The following ASH1L variants were observed in gnomAD, a reference collection of about 807,000 sequenced individuals.
The protein encoded by ASH1L is histone-lysine N-methyltransferase ASH1L.
A neutral mutation model predicts 269.0 loss-of-function variants in ASH1L; 23 were observed. That is an observed-to-expected ratio of 0.09 (90% confidence interval 0.06 to 0.12). The LOEUF (loss-of-function observed/expected upper bound fraction) is 0.12. Among genes scored for constraint, ASH1L ranks in the 10% least tolerant of loss-of-function variants. ASH1L has a pLI of 1.00. For synonymous variants in ASH1L, 1,187 were observed against 1,253.5 expected, an observed-to-expected ratio of 0.95 and a Z score of 1.12; for missense variants, 2,912 against 3,567.8, an observed-to-expected ratio of 0.82 and a Z score of 4.68.
chr1:155,483,410 A>G (rs1194625815), intron 2 of ASH1L, among the ~76,000 whole-genome samples: 1 of 152,230 alleles, frequency 6.6e-6, no homozygotes, highest in African/African-American at 2.4e-5. Context: ...AATGTAGAAA[A>G]GCCAGGGAAT....
In ASH1L at chr1:155,562,456, T is replaced by A. The variant is rs376223217; in HGVS notation, c.-403A>T. Reference sequence around the variant, plus strand: ...GGCGGCGGCGGCGGCAGCAGCAGAGTGGCGGCGGTGGCGGCGGCAGCTCCT... The same window carrying A: ...GGCGGCGGCGGCGGCAGCAGCAGAGAGGCGGCGGTGGCGGCGGCAGCTCCT... On this transcript the variant is annotated 5_prime_UTR_variant, in exon 1 of 28. Transcript: ENST00000392403. The A allele has an allele frequency of 2.1e-6, 3 of 1,442,552 alleles. No individual in the cohort carries two copies. The highest frequency in any genetic ancestry group is 5.0e-5 in the East Asian group (2 of 40,156). The allele number at this position is 1,442,552 out of a possible 1,614,324, so 89.4% of individuals were successfully genotyped here.
At chr1:155,510,616 G>A (rs1408118597) in intron 2 of ASH1L, among the ~76,000 whole-genome samples, 2 of 152,052 alleles carry the variant, frequency 1.3e-5, no homozygotes, top group Admixed American at 6.6e-5. Context: ...GTTTGTAAGT[G>A]CAAATATGTT....
rs1652360811 is a variant in ASH1L, at chr1:155,336,857, A to G, written c.*803T>C. The G allele has an allele frequency of 6.6e-6, 1 of 152,358 alleles. No homozygotes were observed. Among genetic ancestry groups the G allele is most frequent in the Non-Finnish European group, 1.5e-5 (1 of 68,044 alleles). The allele number at this position is 152,358 out of a possible 1,614,324, so 9.4% of individuals were successfully genotyped here. On this transcript the variant is annotated 3_prime_UTR_variant, in exon 28 of 28. Coordinates refer to ENST00000392403, the MANE Select transcript of ASH1L (RefSeq NM_018489.3). ...TATTTTGAACTGAATCTCCATTTGC[A>G]CAGCACAGCAGACACACAAGAACTA...
At chr1:155,509,882 A>G (rs1668054401) in intron 2 of ASH1L, among the ~76,000 whole-genome samples, 1 of 152,186 alleles carries the variant, frequency 6.6e-6, no homozygotes, top group African/African-American at 2.4e-5. Context: ...TAACTCATAA[A>G]CCATAACAAA....
At chr1:155,492,160 C>T (rs1003316876) in intron 2 of ASH1L, among the ~76,000 whole-genome samples, 19 of 151,712 alleles carry the variant, frequency 1.3e-4, no homozygotes, top group Admixed American at 7.2e-4. Context: ...CTCAGCCTCC[C>T]GAGTCGCTGG....
At chr1:155,359,003 C>T (rs1181515420) in intron 13 of ASH1L, among the ~76,000 whole-genome samples, 2 of 152,034 alleles carry the variant, frequency 1.3e-5, no homozygotes, top group Non-Finnish European at 2.9e-5. Flanking sequence ...GCCTGCGGTC[C>T]CAGCTACTCA....
At chr1:155,561,635 CATCT>C (rs1302383524) in intron 1 of ASH1L, among the ~76,000 whole-genome samples, 2 of 150,580 alleles carry the variant, frequency 1.3e-5, no homozygotes, top group Non-Finnish European at 3.0e-5. Flanking sequence ...ACCAACAGAC[CATCT>C]GTCTGCTAGA....
intron 19 of ASH1L, among the ~76,000 whole-genome samples, chr1:155,348,915 C>T (rs61335271): frequency 0.035 from 4,382 of 124,232 alleles, 192 homozygotes; most frequent in African/African-American, 0.11. Context: ...TATATATACA[C>T]ACACACACAC....
rs1166655680 is a variant in ASH1L at position 155,481,849 on chromosome 1, T to C, written c.1021A>G (p.Lys341Glu). The part of the protein sequence containing the change: ...VGLLSKDSGK[K>E]LGIGIVPGLV... ...CCTGGAACAATACCAATTCCTAGCTTCTTTCCTGAATCTTTGCTTAGCAGT... is the reference window on the plus strand; with the variant it reads ...CCTGGAACAATACCAATTCCTAGCTCCTTTCCTGAATCTTTGCTTAGCAGT... The change falls in exon 3 of 28, where the codon AAG becomes GAG. Residue 341 changes from lysine (K) to glutamate (E), a missense_variant. Transcript: ENST00000392403. 3 of 1,614,208 alleles carry C rather than the reference T, an allele frequency of 1.9e-6. No homozygotes were observed. In the South Asian group the frequency reaches 3.3e-5, roughly 18 times the overall value.
Position 155,338,119 on chromosome 1 carries a change from T to G in ASH1L, c.8773A>C (p.Asn2925His). The G allele has an allele frequency of 1.2e-6, 2 of 1,613,762 alleles. No homozygotes were observed. The highest frequency in any genetic ancestry group is 1.7e-6 in the Non-Finnish European group (2 of 1,179,718). ...QRERLNQILL[N>H]LLEKIPGKNA... ...TTTCCAGGGATTTTTTCAAGGAGATTGAGCAAGATCTGGTTGAGTCGTTCC... is the reference window on the plus strand; with the variant it reads ...TTTCCAGGGATTTTTTCAAGGAGATGGAGCAAGATCTGGTTGAGTCGTTCC... The change falls in exon 27 of 28, where the codon AAT becomes CAT. Residue 2925 changes from asparagine (N) to histidine (H), a missense_variant. Transcript: ENST00000392403.
intron 3 of ASH1L, among the ~76,000 whole-genome samples, chr1:155,472,757 A>C (rs1162066872): frequency 6.6e-6 from 1 of 152,210 alleles, no homozygotes; most frequent in Non-Finnish European, 1.5e-5. Flanking sequence ...GATTTTTCTG[A>C]GAAGCAGAAT....
chr1:155,540,184 T>C (rs1281416635), intron 1 of ASH1L, among the ~76,000 whole-genome samples: 1 of 152,198 alleles, frequency 6.6e-6, no homozygotes, highest in Non-Finnish European at 1.5e-5. Flanking sequence ...ACTTACAATC[T>C]GCAGCATGGT....
At chr1:155,514,119 T>C (rs1168308994) in intron 2 of ASH1L, among the ~76,000 whole-genome samples, 1 of 152,188 alleles carries the variant, frequency 6.6e-6, no homozygotes, top group East Asian at 1.9e-4. Flanking sequence ...GAAAGTAGAA[T>C]AGTGGTTTCG....
chr1:155,366,119 AATAC>A (rs1384276209), intron 12 of ASH1L, among the ~76,000 whole-genome samples: 1 of 152,180 alleles, frequency 6.6e-6, no homozygotes, highest in Non-Finnish European at 1.5e-5. Flanking sequence ...GTTGGCACAA[AATAC>A]AGGTCATAAA....
In ASH1L at chr1:155,482,495, AC is replaced by A. The variant is rs780511308; in HGVS notation, c.421-47del. 4.5e-6 allele frequency: 7 copies of A among 1,547,870 alleles called. 1 individual carries two copies. In the South Asian group the frequency reaches 8.8e-5, roughly 19 times the overall value. The stretch of plus-strand genomic sequence containing the variant: ...AAGTTAAAGAGGGAGTAAACCTTAC[AC>A]CACTTTAGCTTAGCTTAACAATCCA... On this transcript the variant is annotated intron_variant, in intron 2 of 27. Transcript: ENST00000392403.
chr1:155,341,783 T>G (rs1001972749), intron 25 of ASH1L, among the ~76,000 whole-genome samples, 153 bp downstream of exon 25: 56 of 152,228 alleles, frequency 3.7e-4, no homozygotes, highest in African/African-American at 1.3e-3. Flanking sequence ...ACTTATGCTG[T>G]TCAAATGTCC....
At chr1:155,357,181 G>A (rs1165732474) in intron 15 of ASH1L, 135 bp downstream of exon 15, 3 of 424,748 alleles carry the variant, frequency 7.1e-6, no homozygotes, top group Non-Finnish European at 8.4e-6. Context: ...TTCCATCCAG[G>A]TTCATAGATC....
chr1:155,545,001 C>T (rs1258830874), intron 1 of ASH1L, among the ~76,000 whole-genome samples: 7 of 150,700 alleles, frequency 4.6e-5, no homozygotes, highest in African/African-American at 7.3e-5. Context: ...GGAGAAACCC[C>T]GTCTCTACTA....
At chr1:155,474,819 C>T (rs1416995517) in intron 3 of ASH1L, among the ~76,000 whole-genome samples, 1 of 152,198 alleles carries the variant, frequency 6.6e-6, no homozygotes, top group African/African-American at 2.4e-5. Flanking sequence ...CTGCCACTAA[C>T]CTAATCTAAG....
Sources: gnomAD v4.1 joint callset for allele counts (sites outside exome capture counted in the v4.1 genomes callset) on GRCh38, gnomAD v4.1.1 for gene constraint, MANE v1.5 for transcripts, NCBI Gene and HGNC (gene_info 2026-07-23, HGNC 2026-07-21) for gene names.